CTNNA2: variants seen among roughly 807,000 people sequenced by gnomAD.
The protein encoded by CTNNA2 is catenin alpha-2.
CTNNA2 carries 42 observed loss-of-function variants against 101.0 expected under a neutral mutation model. The ratio of observed to expected loss-of-function variants is 0.42; its 90% CI spans 0.32 to 0.54. The LOEUF is 0.54. Among genes scored for constraint, CTNNA2 ranks in the 20% least tolerant of loss-of-function variants. CTNNA2 has a pLI of 0.14. For missense variants in CTNNA2, 871 were observed against 1,223.1 expected (o/e 0.71, Z 4.29); for synonymous variants, 450 against 456.4 (o/e 0.99, Z 0.18).
chr2:79,515,488 A>G (rs1170844185), intron 1 of CTNNA2, among the ~76,000 whole-genome samples: 2 of 152,134 alleles, frequency 1.3e-5, no homozygotes, highest in South Asian at 2.1e-4. Flanking sequence ...TTTTCTGCAG[A>G]GTGGTGTGGG....
intron 3 of CTNNA2, among the ~76,000 whole-genome samples, chr2:79,321,106 C>G (rs1676612846): frequency 6.6e-6 from 1 of 152,110 alleles, no homozygotes; most frequent in Admixed American, 6.6e-5. Flanking sequence ...TTATATTTTC[C>G]AGAAACCATC....
At chr2:79,853,778 C>G (rs1392426847) in intron 3 of CTNNA2, among the ~76,000 whole-genome samples, 2 of 151,440 alleles carry the variant, frequency 1.3e-5, no homozygotes, top group African/African-American at 4.9e-5. Context: ...AAGTGATTCT[C>G]CTGCCTCAGC....
chr2:79,334,559 G>A (rs893937490), intron 3 of CTNNA2, among the ~76,000 whole-genome samples: 1 of 152,002 alleles, frequency 6.6e-6, no homozygotes, highest in African/African-American at 2.4e-5. Flanking sequence ...AGAAGAGTTT[G>A]AGCTAATACA....
chr2:79,759,520 C>T (rs1481590900), intron 3 of CTNNA2, among the ~76,000 whole-genome samples: 7 of 151,974 alleles, frequency 4.6e-5, no homozygotes, highest in African/African-American at 1.5e-4. Flanking sequence ...TTCAACTCTT[C>T]GTTAAACCTG....
chr2:80,408,680 G>T (rs1272636577), intron 8 of CTNNA2, among the ~76,000 whole-genome samples: 1 of 152,146 alleles, frequency 6.6e-6, no homozygotes, highest in Non-Finnish European at 1.5e-5. Flanking sequence ...ATCTCCCTTT[G>T]GAGCAAGCAA....
intron 9 of CTNNA2, among the ~76,000 whole-genome samples, chr2:80,499,023 C>T (rs1687673106): frequency 6.6e-6 from 1 of 152,122 alleles, no homozygotes. Flanking sequence ...TTCTCAATTG[C>T]CCTGTTCGTA....
intron 3 of CTNNA2, among the ~76,000 whole-genome samples, chr2:79,840,895 G>T (rs926860290): frequency 6.6e-6 from 1 of 151,700 alleles, no homozygotes; most frequent in Non-Finnish European, 1.5e-5. Flanking sequence ...TCAGCCTCCC[G>T]AGTAGCTGGG....
intron 7 of CTNNA2, among the ~76,000 whole-genome samples, chr2:80,024,142 A>C (rs1033778767): frequency 6.6e-6 from 1 of 152,192 alleles, no homozygotes; most frequent in East Asian, 1.9e-4. Flanking sequence ...TATTTTACAA[A>C]TAATGAAAAT....
intron 9 of CTNNA2, among the ~76,000 whole-genome samples, chr2:80,522,782 A>G (rs1391493489): frequency 6.6e-6 from 1 of 152,162 alleles, no homozygotes; most frequent in African/African-American, 2.4e-5. Flanking sequence ...TCTCCCCAGA[A>G]GCAGAGGCCC....
At chr2:79,488,944 G>C (rs908986857) in intron 4 of CTNNA2, among the ~76,000 whole-genome samples, 1 of 152,038 alleles carries the variant, frequency 6.6e-6, no homozygotes, top group African/African-American at 2.4e-5. Context: ...CAATATTTTA[G>C]TTCCTAAATC....
At chr2:79,214,113 G>A (rs1674214534) in intron 2 of CTNNA2, among the ~76,000 whole-genome samples, 1 of 152,166 alleles carries the variant, frequency 6.6e-6, no homozygotes, top group Non-Finnish European at 1.5e-5. Context: ...ACAATCAGCA[G>A]GGAGAGCACA....
intron 7 of CTNNA2, among the ~76,000 whole-genome samples, chr2:80,145,956 G>C (rs1226304268): frequency 1.3e-5 from 2 of 152,154 alleles, no homozygotes; most frequent in African/African-American, 4.8e-5. Flanking sequence ...CTCTTCTGGA[G>C]TCTCCTAGCT....
intron 7 of CTNNA2, among the ~76,000 whole-genome samples, chr2:80,184,924 A>T (rs116411331): frequency 6.6e-6 from 1 of 152,202 alleles, no homozygotes; most frequent in Admixed American, 6.5e-5. Flanking sequence ...CTATCAGCAC[A>T]TCCTAAAGTC....
chr2:79,579,038 T>C (rs1009513212), intron 1 of CTNNA2, among the ~76,000 whole-genome samples: 5 of 151,832 alleles, frequency 3.3e-5, no homozygotes, highest in Non-Finnish European at 7.4e-5. Context: ...CCTTCCTCCT[T>C]TCTTCCTTCC....
intron 2 of CTNNA2, among the ~76,000 whole-genome samples, chr2:79,663,912 C>G (rs1682215937): frequency 6.6e-6 from 1 of 152,186 alleles, no homozygotes. Flanking sequence ...CTTGTGTATT[C>G]TCTTTTAGTC....
chr2:80,619,983 A>T (rs750460601), intron 18 of CTNNA2, among the ~76,000 whole-genome samples: 3 of 151,898 alleles, frequency 2.0e-5, no homozygotes, highest in Non-Finnish European at 2.9e-5. Context: ...GAAAGAAAAG[A>T]TCAACTGGAG....
At chr2:80,455,125 A>G (rs1003666340) in intron 9 of CTNNA2, among the ~76,000 whole-genome samples, 9 of 152,244 alleles carry the variant, frequency 5.9e-5, no homozygotes, top group Non-Finnish European at 1.2e-4. Context: ...CTGGCAAACA[A>G]ATGGCAAATG....
intron 9 of CTNNA2, among the ~76,000 whole-genome samples, chr2:80,494,052 T>C (rs1331202942): frequency 2.0e-5 from 3 of 152,128 alleles, no homozygotes; most frequent in Non-Finnish European, 2.9e-5. Context: ...AGAAACACAG[T>C]AGGGAGTCTT....
At chr2:79,862,121 T>C (rs548851083) in intron 4 of CTNNA2, among the ~76,000 whole-genome samples, 24 of 152,326 alleles carry the variant, frequency 1.6e-4, no homozygotes, top group African/African-American at 5.1e-4. Flanking sequence ...CATAAACTCA[T>C]GTAGATGTGT....
Sources: allele counts gnomAD v4.1 joint callset (sites outside exome capture counted in the v4.1 genomes callset), GRCh38; gene constraint gnomAD v4.1.1; transcripts MANE v1.5; gene names NCBI Gene and HGNC (gene_info 2026-07-23, HGNC 2026-07-21).